Variants in WWP1 observed in about 807,000 individuals in gnomAD.
WWP1 encodes the protein NEDD4-like E3 ubiquitin-protein ligase WWP1.
In WWP1, 49 loss-of-function variants were observed where a neutral mutation model predicts 130.6. The ratio of observed to expected loss-of-function variants is 0.38; its 90% CI spans 0.30 to 0.48. WWP1 has a LOEUF of 0.48. Among genes scored for constraint, WWP1 ranks in the 20% least tolerant of loss-of-function variants. The pLI is 0.99. For synonymous variants in WWP1, 332 were observed against 367.8 expected (o/e 0.90, Z 1.11); for missense variants, 809 against 1,100.6 (o/e 0.74, Z 3.75).
At position 86,433,229 on chromosome 8, in the gene WWP1, C is replaced by CTT. The variant is rs11321240; in HGVS notation, c.1601+1504_1601+1505dup. ...GAGTCCTCCTTTTTTTCCTAAGCCT[C>CTT]TTTTTTTTTTTTTTTTTTTGTTAAC... On this transcript the variant is annotated intron_variant, in intron 14 of 24. Coordinates refer to ENST00000517970, the MANE Select transcript of WWP1 (RefSeq NM_007013.4). Among the ~76,000 whole-genome samples the CTT allele has an allele frequency of 9.3e-3, 1,108 of 119,026 alleles. 32 individuals carry two copies. The highest frequency in any genetic ancestry group is 0.031 in the African/African-American group (990 of 32,300). 78.1% of individuals were successfully genotyped at this position (119,026 alleles called of 152,430 possible).
chr8:86,397,879 A>G (rs1353228334), intron 5 of WWP1, among the ~76,000 whole-genome samples: 1 of 152,200 alleles, frequency 6.6e-6, no homozygotes, highest in Non-Finnish European at 1.5e-5. Context: ...GGTCCTCAAC[A>G]CTGTCCCTTT....
rs1808022274 is a variant in WWP1 at position 86,402,140 on chromosome 8, G to C, written c.661G>C (p.Ala221Pro). Reference protein sequence around the residue: ...DNTPSSPSQVAARPKNTPAPK... With the variant: ...DNTPSSPSQVPARPKNTPAPK... Reference sequence around the variant, plus strand: ...CACACCTTCATCTCCGTCTCAGGTTGCTGCCAGACCCAAAAATACACCAGC... The same window carrying C: ...CACACCTTCATCTCCGTCTCAGGTTCCTGCCAGACCCAAAAATACACCAGC... The change falls in exon 8 of 25, where the codon GCT (alanine) becomes CCT (proline). Residue 221 changes from alanine (A) to proline (P), a missense_variant. Physicochemically the swap from Ala to Pro is conservative, Grantham distance 27. Transcript: ENST00000517970. The C allele has an allele frequency of 1.9e-6, 3 of 1,613,864 alleles. No individual in the cohort carries two copies. In the South Asian group the frequency reaches 3.3e-5, roughly 18 times the overall value.
At chr8:86,359,770 G>T (rs1353055059) in intron 1 of WWP1, among the ~76,000 whole-genome samples, 1 of 151,836 alleles carries the variant, frequency 6.6e-6, no homozygotes, top group African/African-American at 2.4e-5. Context: ...ACAGTCCTCG[G>T]CGGGCGCAGT....
intron 1 of WWP1, among the ~76,000 whole-genome samples, chr8:86,361,242 G>A (rs1399971495): frequency 6.6e-6 from 1 of 152,078 alleles, no homozygotes; most frequent in African/African-American, 2.4e-5. Context: ...GAGTTGTAGT[G>A]GTAGTGATGG....
intron 18 of WWP1, among the ~76,000 whole-genome samples, chr8:86,443,265 G>A (rs1344090389): frequency 1.3e-5 from 2 of 151,910 alleles, no homozygotes; most frequent in Non-Finnish European, 2.9e-5. Flanking sequence ...GTTGAGATGG[G>A]GTTTCATCAT....
intron 22 of WWP1, among the ~76,000 whole-genome samples, chr8:86,459,692 A>T (rs1226366654): frequency 1.3e-5 from 2 of 152,250 alleles, no homozygotes; most frequent in African/African-American, 4.8e-5. Flanking sequence ...ACTGCATTAT[A>T]TACAGTATGC....
rs1048103181 is a variant in WWP1, at chr8:86,431,766, C to T, written c.1601+23C>T. On this transcript the variant is annotated intron_variant, in intron 14 of 24. Coordinates refer to ENST00000517970, the MANE Select transcript of WWP1 (RefSeq NM_007013.4). ...TGTGTGAGTGAAAACCTGAAGTTCT[C>T]CTTTAAATATTGCTTAGTGAGCACA... 8 of 1,612,196 alleles carry T rather than the reference C, an allele frequency of 5.0e-6. No individual in the cohort carries two copies. The Middle Eastern group carries it at 6.6e-4, about 133-fold the overall frequency.
chr8:86,421,595 C>T (rs999525719), intron 9 of WWP1, among the ~76,000 whole-genome samples: 6 of 151,972 alleles, frequency 3.9e-5, no homozygotes, highest in East Asian at 1.9e-4. Context: ...GAGGCCGAGG[C>T]GGAAGGATCA....
In WWP1 at chr8:86,452,653, C is replaced by T; in HGVS notation, c.2368C>T (p.Gln790Ter). 6.2e-7 allele frequency: 1 copy of T among 1,613,036 alleles called. No individual in the cohort carries two copies. Among genetic ancestry groups the T allele is most frequent in the Non-Finnish European group, 8.5e-7 (1 of 1,179,520 alleles). The change falls in exon 21 of 25, where the codon CAG becomes TAG. Residue 790 changes from glutamine (Q) to a stop codon, truncating the protein, a stop_gained. Coordinates refer to ENST00000517970, the MANE Select transcript of WWP1 (RefSeq NM_007013.4). LOFTEE classifies it high-confidence loss of function. ...FNEVVPLQWL[Q>*]YFDEKELEVM... ...TGAAGTTGTTCCTCTTCAGTGGCTA[C>T]AGTACTTCGATGAAAAAGAATTAGA...
intron 1 of WWP1, among the ~76,000 whole-genome samples, chr8:86,346,411 A>C (rs998026993): frequency 6.6e-6 from 1 of 152,166 alleles, no homozygotes; most frequent in Non-Finnish European, 1.5e-5. Context: ...CAACAGAGCG[A>C]GACTCTGTCT....
At position 86,386,050 on chromosome 8, in the gene WWP1, C is replaced by T. The variant is rs79181926; in HGVS notation, c.334+4421C>T. On this transcript the variant is annotated intron_variant, in intron 5 of 24. Coordinates refer to ENST00000517970, the MANE Select transcript of WWP1 (RefSeq NM_007013.4). ...TCAACTCCTGGTTTCAGTGCCTTAC[C>T]GAGTCTTAGTTCAGTTTGTCTAATT... Among the ~76,000 whole-genome samples the T allele has an allele frequency of 4.0e-3, 606 of 152,180 alleles. 4 individuals are homozygous for T. The highest frequency in any genetic ancestry group is 0.013 in the African/African-American group (541 of 41,508).
chr8:86,367,110 A>G (rs2130258776), intron 1 of WWP1, among the ~76,000 whole-genome samples: 1 of 152,264 alleles, frequency 6.6e-6, no homozygotes, highest in South Asian at 2.1e-4. Context: ...CATTTATTGA[A>G]CTAAACTGCT....
At chr8:86,416,344 G>C (rs1342063830) in intron 9 of WWP1, among the ~76,000 whole-genome samples, 2 of 152,170 alleles carry the variant, frequency 1.3e-5, no homozygotes, top group East Asian at 3.9e-4. Context: ...AGATTGTTTT[G>C]TAAAATGGAA....
At chr8:86,431,225 G>A (rs1170672333) in intron 12 of WWP1, among the ~76,000 whole-genome samples, 181 bp from the exon 13 acceptor site, 4 of 137,172 alleles carry the variant, frequency 2.9e-5, no homozygotes, top group Non-Finnish European at 6.1e-5. Flanking sequence ...TATAATATAT[G>A]TTATATTCTC....
chr8:86,411,505 T>A, intron 8 of WWP1, 33 bp from the exon 9 acceptor site: 1 of 1,573,058 alleles, frequency 6.4e-7, no homozygotes, highest in Non-Finnish European at 8.7e-7. Context: ...TATCATTACT[T>A]GATAGATGAT....
At chr8:86,371,790 T>C (rs1824309468) in intron 2 of WWP1, among the ~76,000 whole-genome samples, 1 of 152,170 alleles carries the variant, frequency 6.6e-6, no homozygotes, top group East Asian at 1.9e-4. Flanking sequence ...TCATTTTCTT[T>C]ATGATGTCCT....
rs943945417 is a variant in WWP1 at position 86,448,071 on chromosome 8, A to G, written c.1999-77A>G. The G allele has an allele frequency of 2.3e-6, 3 of 1,292,440 alleles. No individual in the cohort carries two copies. In the East Asian group the frequency reaches 7.7e-5, roughly 33 times the overall value. The allele number at this position is 1,292,440 out of a possible 1,614,324, so 80.1% of individuals were successfully genotyped here. On this transcript the variant is annotated intron_variant, in intron 18 of 24. Transcript: ENST00000517970. ...CTTTGTTTACTTGTGAAGTCTCATG[A>G]TTTTTCTTTTATCATTGTTCTCTAA...
rs1823574043 is a variant in WWP1, at chr8:86,361,191, CTGTG to C, written c.-114-7747_-114-7744del. ...TGGGGCAGGAAGACCATTTAGCAAG[CTGTG>C]CTTAGTTTGGATGAGAAATTATGGG... is the stretch of plus-strand genomic sequence containing the variant. On this transcript the variant is annotated intron_variant, in intron 1 of 24. Transcript: ENST00000517970. Among the ~76,000 whole-genome samples the C allele has an allele frequency of 2.0e-5, 3 of 152,224 alleles. No homozygotes were observed. The East Asian group carries it at 5.8e-4, about 29-fold the overall frequency.
At chr8:86,352,061 A>G (rs1313146033) in intron 1 of WWP1, among the ~76,000 whole-genome samples, 1 of 133,148 alleles carries the variant, frequency 7.5e-6, no homozygotes, top group African/African-American at 2.7e-5. Flanking sequence ...TTTTTTTGAG[A>G]AAAGGTCTTG....
Sources: gnomAD v4.1 joint callset for allele counts (sites outside exome capture counted in the v4.1 genomes callset) on GRCh38, gnomAD v4.1.1 for gene constraint, MANE v1.5 for transcripts, NCBI Gene and HGNC (gene_info 2026-07-23, HGNC 2026-07-21) for gene names.